EML5: variants seen among roughly 807,000 people sequenced by gnomAD.
EML5 encodes echinoderm microtubule-associated protein-like 5.
A neutral mutation model predicts 250.0 loss-of-function variants in EML5; 120 were observed. The ratio of observed to expected loss-of-function variants is 0.48; its 90% confidence interval spans 0.41 to 0.56. EML5 has a LOEUF of 0.56. Ranked by LOEUF, EML5 falls within the 20% of genes least tolerant of loss-of-function variation. The pLI, the probability that EML5 is intolerant of heterozygous loss-of-function variation, is 0.00. For missense variants in EML5, 2,006 were observed against 2,437.6 expected (o/e 0.82, Z 3.73); for synonymous variants, 771 against 806.5 (o/e 0.96, Z 0.75).
At chr14:88,646,897 T>C (rs776514516) in intron 29 of EML5, 50 bp downstream of exon 29, 3 of 1,571,220 alleles carry the variant, frequency 1.9e-6, no homozygotes, top group Middle Eastern at 1.7e-4. Flanking sequence ...ATATGGAAGA[T>C]GACAAAAATA....
intron 1 of EML5, among the ~76,000 whole-genome samples, chr14:88,788,898 G>GAAAA (rs10708422): frequency 7.3e-6 from 1 of 136,554 alleles, no homozygotes; most frequent in South Asian, 2.4e-4. Context: ...CATCTTTACC[G>GAAAA]AAAAAAAAAA....
At chr14:88,627,310 C>T (rs953358484) in intron 34 of EML5, 6 of 493,904 alleles carry the variant, frequency 1.2e-5, no homozygotes, top group Admixed American at 3.6e-5. Flanking sequence ...TGCTGATCTG[C>T]CATTATCATT....
At chr14:88,766,088 TCTTTA>T (rs1381091106) in intron 1 of EML5, among the ~76,000 whole-genome samples, 5 of 152,360 alleles carry the variant, frequency 3.3e-5, no homozygotes, top group Admixed American at 6.5e-5. Context: ...CCTATGCCTG[TCTTTA>T]CTTTAATCTC....
chr14:88,774,278 C>A (rs934226336), intron 1 of EML5, among the ~76,000 whole-genome samples: 2 of 152,148 alleles, frequency 1.3e-5, no homozygotes, highest in Non-Finnish European at 2.9e-5. Flanking sequence ...AGTCTGAAGA[C>A]CACACTTTTC....
chr14:88,681,974 C>G lies in EML5; in HGVS notation c.3040G>C (p.Ala1014Pro). The G allele has an allele frequency of 6.2e-7, 1 of 1,613,480 alleles. No homozygotes were observed. Among genetic ancestry groups the G allele is most frequent in the East Asian group, 2.2e-5 (1 of 44,832 alleles). ...AAGGTTTTATCATCGCTTACAGTAGCACAGATGGGCAGATAAGGGTGTGTA... is the reference window on the plus strand; with the variant it reads ...AAGGTTTTATCATCGCTTACAGTAGGACAGATGGGCAGATAAGGGTGTGTA... ...LATHPYLPIC[A>P]TVSDDKTLRI... is the part of the protein sequence containing the mutation. Residue 1014 changes from alanine to proline, a missense_variant, in exon 21 of 44, where the codon GCT becomes CCT. Ala to Pro is a conservative substitution (Grantham distance 27). Around this residue, in one of 7 missense-constraint regions of EML5, gnomAD observed 1,375 missense variants for 1,590.3 expected, o/e 0.86. Transcript: ENST00000554922.
chr14:88,782,493 T>C (rs1194653728), intron 1 of EML5, among the ~76,000 whole-genome samples: 1 of 152,200 alleles, frequency 6.6e-6, no homozygotes, highest in Admixed American at 6.5e-5. Flanking sequence ...CTCCAGGCCA[T>C]GTCAGAGACT....
At chr14:88,636,795 G>A (rs2090764363) in intron 32 of EML5, among the ~76,000 whole-genome samples, 1 of 152,186 alleles carries the variant, frequency 6.6e-6, no homozygotes, top group South Asian at 2.1e-4. Flanking sequence ...GGGCCAAAGA[G>A]TAGCAATCAC....
intron 36 of EML5, chr14:88,622,998 A>G (rs1308153987): frequency 1.2e-5 from 3 of 249,808 alleles, no homozygotes; most frequent in African/African-American, 6.8e-5. Context: ...ATTACAATAC[A>G]TTATCCTCTC....
At chr14:88,678,085 T>C (rs1488530788) in intron 21 of EML5, among the ~76,000 whole-genome samples, 3 of 152,160 alleles carry the variant, frequency 2.0e-5, no homozygotes, top group Admixed American at 2.0e-4. Context: ...ATGTGGTATA[T>C]ATACACCATG....
chr14:88,729,766 G>A (rs939045747), intron 7 of EML5, among the ~76,000 whole-genome samples: 1 of 151,924 alleles, frequency 6.6e-6, no homozygotes, highest in African/African-American at 2.4e-5. Flanking sequence ...TTGCCATGTT[G>A]GCCAGGCTGG....
At chr14:88,702,777 T>C (rs1214098625) in intron 13 of EML5, 145 bp from the exon 14 acceptor site, 1 of 581,834 alleles carries the variant, frequency 1.7e-6, no homozygotes, top group Non-Finnish European at 2.8e-6. Context: ...TTTCAAGAGA[T>C]GGGGTCTCGC....
chr14:88,730,473 T>C (rs12895772), intron 7 of EML5, among the ~76,000 whole-genome samples: 5,386 of 152,320 alleles, frequency 0.035, 162 homozygotes, highest in Non-Finnish European at 0.053. Flanking sequence ...TTAAGAAATA[T>C]GTCCAGAGAA....
At chr14:88,715,340 T>G in intron 8 of EML5, 145 bp from the exon 9 acceptor site, 1 of 786,020 alleles carries the variant, frequency 1.3e-6, no homozygotes, top group Non-Finnish European at 1.9e-6. Context: ...TAGTATTAAT[T>G]CAGCAACAAT....
At chr14:88,778,502 TGG>T (rs2094467743) in intron 1 of EML5, among the ~76,000 whole-genome samples, 1 of 152,214 alleles carries the variant, frequency 6.6e-6, no homozygotes, top group African/African-American at 2.4e-5. Flanking sequence ...GGTAAGTGGC[TGG>T]GTGTGGTGGC....
chr14:88,762,969 A>C (rs1381299028), intron 1 of EML5, among the ~76,000 whole-genome samples: 1 of 152,224 alleles, frequency 6.6e-6, no homozygotes, highest in Non-Finnish European at 1.5e-5. Flanking sequence ...ATGAGAACAA[A>C]GACACAACAC....
chr14:88,625,268 T>C (rs2089748304), intron 35 of EML5, 141 bp from the exon 36 acceptor site: 1 of 982,630 alleles, frequency 1.0e-6, no homozygotes, highest in African/African-American at 1.7e-5. Context: ...AGCACTGAAT[T>C]CACGAGTCAG....
intron 1 of EML5, among the ~76,000 whole-genome samples, chr14:88,758,214 CAG>C (rs1566761385): frequency 6.6e-6 from 1 of 151,064 alleles, no homozygotes; most frequent in South Asian, 2.1e-4. Flanking sequence ...TTTTTTGACA[CAG>C]AGTTTCACTC....
At chr14:88,621,887 A>C in intron 37 of EML5, 1 of 456,384 alleles carries the variant, frequency 2.2e-6, no homozygotes, top group Non-Finnish European at 4.4e-6. Flanking sequence ...AACTTTCAAA[A>C]TCCTCTCTTG....
intron 7 of EML5, among the ~76,000 whole-genome samples, chr14:88,730,083 T>A (rs2093731897): frequency 6.6e-6 from 1 of 152,122 alleles, no homozygotes; most frequent in Non-Finnish European, 1.5e-5. Context: ...ATTTTGTTAT[T>A]ATTTTTGTTT....
Sources: gnomAD v4.1 joint callset for allele counts (sites outside exome capture counted in the v4.1 genomes callset) on GRCh38, gnomAD v4.1.1 for gene constraint, gnomAD v4.1.1 regional missense constraint, MANE v1.5 for transcripts, NCBI Gene and HGNC (gene_info 2026-07-23, HGNC 2026-07-21) for gene names.